Variants in LPP observed in about 807,000 individuals in gnomAD.
LPP encodes lipoma-preferred partner.
Under a neutral mutation model 60.4 loss-of-function variants are expected in LPP, and 38 were observed. The observed-to-expected ratio is 0.63, with a 90% confidence interval of 0.49 to 0.83. The LOEUF is 0.83. LPP is among the 40% of genes least tolerant of loss of function. LPP has a pLI of 0.00. For synonymous variants in LPP, 328 were observed against 290.8 expected (o/e 1.13, Z -1.30); for missense variants, 902 against 783.6 (o/e 1.15, Z -1.80).
intron 8 of LPP, among the ~76,000 whole-genome samples, chr3:188,721,289 A>G (rs1250450118): frequency 2.0e-5 from 3 of 152,112 alleles, no homozygotes; most frequent in Non-Finnish European, 4.4e-5. Context: ...TACAGATCAC[A>G]TCTGTAATCC....
chr3:188,788,499 C>T (rs192180957), intron 9 of LPP, among the ~76,000 whole-genome samples: 6 of 152,190 alleles, frequency 3.9e-5, no homozygotes, highest in Non-Finnish European at 8.8e-5. Flanking sequence ...GTAATAGCAT[C>T]CTCTGCTTTT....
intron 3 of LPP, among the ~76,000 whole-genome samples, chr3:188,378,693 C>G (rs889694354): frequency 6.6e-6 from 1 of 152,176 alleles, no homozygotes; most frequent in Non-Finnish European, 1.5e-5. Flanking sequence ...TGCTTCGGCT[C>G]GTGCACGGTG....
chr3:188,174,157 C>A (rs1033537677), intron 1 of LPP, among the ~76,000 whole-genome samples: 1 of 152,194 alleles, frequency 6.6e-6, no homozygotes. Flanking sequence ...TTGGGACAAG[C>A]TGGTGCAAAA....
chr3:188,295,616 C>T (rs903974230), intron 2 of LPP, among the ~76,000 whole-genome samples: 3 of 152,180 alleles, frequency 2.0e-5, no homozygotes, highest in African/African-American at 7.2e-5. Context: ...CAGCTCACTG[C>T]AGCCTCAGCC....
chr3:188,330,412 T>G (rs1338059004), intron 2 of LPP, among the ~76,000 whole-genome samples: 2 of 152,208 alleles, frequency 1.3e-5, no homozygotes, highest in Non-Finnish European at 2.9e-5. Flanking sequence ...AGGTCTTGTT[T>G]TTTTCCTAGT....
chr3:188,373,757 G>T (rs1055030444), intron 3 of LPP, among the ~76,000 whole-genome samples: 1 of 151,970 alleles, frequency 6.6e-6, no homozygotes, highest in Non-Finnish European at 1.5e-5. Context: ...ATTGCTTTTG[G>T]TGTTTTAGAC....
chr3:188,199,585 T>C (rs1002657085), intron 1 of LPP, among the ~76,000 whole-genome samples: 2 of 152,194 alleles, frequency 1.3e-5, no homozygotes, highest in African/African-American at 2.4e-5. Context: ...GGATCAGTAG[T>C]TACGCTATAA....
chr3:188,249,102 A>T (rs1440831671), intron 2 of LPP, among the ~76,000 whole-genome samples: 1 of 152,196 alleles, frequency 6.6e-6, no homozygotes, highest in Non-Finnish European at 1.5e-5. Context: ...TAAGAAATTA[A>T]AATAGCCAGG....
At chr3:188,536,745 T>A (rs936533422) in intron 6 of LPP, among the ~76,000 whole-genome samples, 1 of 152,216 alleles carries the variant, frequency 6.6e-6, no homozygotes, top group Non-Finnish European at 1.5e-5. Context: ...AGAAACAAGT[T>A]GAAGAAACAA....
chr3:188,835,564 A>G (rs1483778596), intron 9 of LPP, among the ~76,000 whole-genome samples: 1 of 152,042 alleles, frequency 6.6e-6, no homozygotes, highest in Non-Finnish European at 1.5e-5. Flanking sequence ...GGTTACAGTG[A>G]GCCAAAATTG....
At chr3:188,391,157 T>C (rs115712356) in intron 3 of LPP, among the ~76,000 whole-genome samples, 1,530 of 152,282 alleles carry the variant, frequency 0.01, 30 homozygotes, top group African/African-American at 0.035. Context: ...GGACTTTCAT[T>C]CATCTAGCCC....
chr3:188,378,741 C>T (rs1038284548), intron 3 of LPP, among the ~76,000 whole-genome samples: 3 of 152,146 alleles, frequency 2.0e-5, no homozygotes, highest in African/African-American at 7.2e-5. Context: ...CTCTGGCACT[C>T]CCCAGTGAGA....
chr3:188,706,256 C>T (rs1252342746), intron 7 of LPP, among the ~76,000 whole-genome samples: 2 of 152,282 alleles, frequency 1.3e-5, no homozygotes, highest in African/African-American at 2.4e-5. Flanking sequence ...TTGGGGGGCT[C>T]TCAGTTTCCC....
Position 188,876,727 on chromosome 3 carries a change from ATAT to A in LPP, c.*2257_*2259del, listed in dbSNP as rs749387554. The A allele has an allele frequency of 2.1e-5, 4 of 188,006 alleles. No homozygotes were observed. The highest frequency in any genetic ancestry group is 4.5e-5 in the Non-Finnish European group (4 of 89,188). The allele number at this position is 188,006 out of a possible 1,614,324, so 11.6% of individuals were successfully genotyped here. A position where few individuals can be genotyped will look rare whatever the true frequency, so the allele number is the denominator to read the frequency against. ...ATAGATTGTATCTCTTAAAGTGGTC[ATAT>A]TATTATTAATTTTGCCAAAAGAAGA... On this transcript the variant is annotated 3_prime_UTR_variant, in exon 12 of 12. Transcript: ENST00000617246.
chr3:188,739,965 G>A (rs1229105623), intron 8 of LPP, among the ~76,000 whole-genome samples: 1 of 151,914 alleles, frequency 6.6e-6, no homozygotes, highest in Non-Finnish European at 1.5e-5. Context: ...GTCATTCATT[G>A]GCCATGATTG....
At chr3:188,242,255 C>T (rs1305331264) in intron 2 of LPP, among the ~76,000 whole-genome samples, 2 of 152,126 alleles carry the variant, frequency 1.3e-5, no homozygotes, top group Admixed American at 6.5e-5. Flanking sequence ...GTTTGTTCAA[C>T]CTATTTCTAA....
chr3:188,810,469 AAGAG>A lies in LPP; in HGVS notation c.1410+50202_1410+50205del, dbSNP rs34911668. Reference sequence around the variant, plus strand: ...TATTGTCTCTCTACAAAGAGAGAGAAAGAGAGAGAGAGAGAGAGGGAGACCACAT... The same window carrying A: ...TATTGTCTCTCTACAAAGAGAGAGAAAGAGAGAGAGAGAGGGAGACCACAT... On this transcript the variant is annotated intron_variant, in intron 9 of 11. Transcript: ENST00000617246. 3.0e-3 allele frequency among the ~76,000 whole-genome samples: 447 copies of A among 150,312 alleles called. 2 individuals are homozygous for A. Among genetic ancestry groups the A allele is most frequent in the Non-Finnish European group, 3.9e-3 (260 of 67,374 alleles).
At chr3:188,201,389 A>C (rs1284738744) in intron 1 of LPP, among the ~76,000 whole-genome samples, 3 of 152,158 alleles carry the variant, frequency 2.0e-5, no homozygotes, top group African/African-American at 7.2e-5. Flanking sequence ...TGGGGGTAGT[A>C]CCATCTCATT....
chr3:188,812,975 C>T (rs925307950), intron 9 of LPP, among the ~76,000 whole-genome samples: 4 of 151,948 alleles, frequency 2.6e-5, no homozygotes, highest in Non-Finnish European at 5.9e-5. Flanking sequence ...TGGACCCAAA[C>T]TAATAAAAGG....
Sources: allele counts gnomAD v4.1 joint callset (sites outside exome capture counted in the v4.1 genomes callset), GRCh38; gene constraint gnomAD v4.1.1; transcripts MANE v1.5; gene names NCBI Gene and HGNC (gene_info 2026-07-23, HGNC 2026-07-21).